PDE4D: variants seen among roughly 807,000 people sequenced by gnomAD.
PDE4D encodes 3',5'-cyclic-AMP phosphodiesterase 4D.
PDE4D carries 24 observed loss-of-function variants against 87.4 expected under a neutral mutation model. The ratio of observed to expected loss-of-function variants is 0.27; its 90% CI spans 0.20 to 0.39. PDE4D has a LOEUF of 0.39. PDE4D is among the 10% of genes least tolerant of loss of function. PDE4D has a pLI of 1.00. For missense variants in PDE4D, 714 were observed against 1,041.0 expected (o/e 0.69, Z 4.32); for synonymous variants, 384 against 383.2 (o/e 1.00, Z -0.02).
chr5:59,041,790 C>A (rs1561372679), intron 5 of PDE4D, among the ~76,000 whole-genome samples: 1 of 152,212 alleles, frequency 6.6e-6, no homozygotes, highest in Non-Finnish European at 1.5e-5. Flanking sequence ...GGCTTCAAAT[C>A]TAACAGGATG....
chr5:60,236,302 A>C (rs78413032), intron 1 of PDE4D, among the ~76,000 whole-genome samples: 2 of 152,072 alleles, frequency 1.3e-5, no homozygotes, highest in East Asian at 3.9e-4. Context: ...GGGATTGAAA[A>C]GACAAGCTAT....
At chr5:59,773,107 G>C (rs1383081007) in intron 1 of PDE4D, among the ~76,000 whole-genome samples, 3 of 152,116 alleles carry the variant, frequency 2.0e-5, no homozygotes, top group African/African-American at 7.2e-5. Context: ...GTGATATGAG[G>C]AACTTAGAGA....
At chr5:59,991,787 A>G (rs1763031184) in intron 2 of PDE4D, among the ~76,000 whole-genome samples, 1 of 152,236 alleles carries the variant, frequency 6.6e-6, no homozygotes, top group Non-Finnish European at 1.5e-5. Context: ...CTCTAAGAAC[A>G]GAACTTCATT....
rs1409266073 is a variant in PDE4D, at chr5:59,398,259, C to T, written c.456-182291G>A. Among the ~76,000 whole-genome samples the T allele has an allele frequency of 8.4e-5, 10 of 119,282 alleles. 2 individuals are homozygous for T. Among genetic ancestry groups the T allele is most frequent in the Non-Finnish European group, 8.9e-5 (5 of 56,474 alleles). The allele number at this position is 119,282 out of a possible 152,430, so 78.3% of individuals were successfully genotyped here. A position where few individuals can be genotyped will look rare whatever the true frequency, so the allele number is the denominator to read the frequency against. On this transcript the variant is annotated intron_variant, in intron 1 of 14. Transcript: ENST00000340635. ...GCCAGCATCATTCTAATACCAAAGC[C>T]GGGCAGAGACACAACCAAAAAAGAG...
At chr5:60,336,511 T>G (rs1757763284) in intron 1 of PDE4D, among the ~76,000 whole-genome samples, 3 of 152,210 alleles carry the variant, frequency 2.0e-5, no homozygotes, top group Admixed American at 2.0e-4. Context: ...GTCCCATTCC[T>G]CCACAACACA....
chr5:60,258,737 TTC>T (rs1171947777), intron 1 of PDE4D, among the ~76,000 whole-genome samples: 1 of 151,922 alleles, frequency 6.6e-6, no homozygotes. Context: ...CAATTAAAAA[TTC>T]TGTTAGTGAA....
chr5:59,813,833 T>G (rs1454424936), intron 1 of PDE4D, among the ~76,000 whole-genome samples: 2 of 152,164 alleles, frequency 1.3e-5, no homozygotes, highest in Non-Finnish European at 2.9e-5. Flanking sequence ...ATAACCTATT[T>G]ATGATTGCAA....
intron 1 of PDE4D, among the ~76,000 whole-genome samples, chr5:60,332,610 ATCCAAAT>A (rs1342596480): frequency 6.6e-6 from 1 of 152,234 alleles, no homozygotes; most frequent in Non-Finnish European, 1.5e-5. Flanking sequence ...AATCAACAGT[ATCCAAAT>A]TCTAATAAAG....
intron 1 of PDE4D, among the ~76,000 whole-genome samples, chr5:59,761,390 T>C (rs750654511): frequency 6.6e-6 from 1 of 152,184 alleles, no homozygotes; most frequent in Non-Finnish European, 1.5e-5. Flanking sequence ...TGATATAAGT[T>C]AATTTTGGTT....
chr5:59,467,718 AT>A (rs755126327), intron 1 of PDE4D, among the ~76,000 whole-genome samples: 7 of 152,206 alleles, frequency 4.6e-5, no homozygotes, highest in Non-Finnish European at 1.0e-4. Context: ...TGTATTTTGT[AT>A]GTTATTTCAT....
chr5:60,291,012 C>T (rs1437042994), intron 1 of PDE4D, among the ~76,000 whole-genome samples: 1 of 152,148 alleles, frequency 6.6e-6, no homozygotes, highest in Non-Finnish European at 1.5e-5. Context: ...AAATGTTCTG[C>T]ACTGTCTCGA....
intron 1 of PDE4D, among the ~76,000 whole-genome samples, chr5:60,205,461 T>C (rs1316619223): frequency 6.6e-6 from 1 of 152,064 alleles, no homozygotes; most frequent in Non-Finnish European, 1.5e-5. Context: ...AATCTAAAAA[T>C]GCACCCAGCC....
chr5:60,073,706 C>T (rs745370792), intron 2 of PDE4D, among the ~76,000 whole-genome samples: 1 of 151,710 alleles, frequency 6.6e-6, no homozygotes, highest in Admixed American at 6.6e-5. Flanking sequence ...TTTCACAGTT[C>T]GTTATTGGTC....
At chr5:60,090,926 ATACT>A (rs1430723599) in intron 2 of PDE4D, among the ~76,000 whole-genome samples, 1 of 152,220 alleles carries the variant, frequency 6.6e-6, no homozygotes, top group Non-Finnish European at 1.5e-5. Context: ...CCCATTTACA[ATACT>A]TACACACACA....
intron 1 of PDE4D, among the ~76,000 whole-genome samples, chr5:59,269,417 A>T (rs17528522): frequency 0.23 from 34,934 of 152,034 alleles, 4,375 homozygotes; most frequent in Admixed American, 0.35. Flanking sequence ...CTCTTCTGTG[A>T]TATCTCAGAA....
intron 6 of PDE4D, among the ~76,000 whole-genome samples, chr5:59,031,781 T>C (rs997086028): frequency 1.5e-5 from 2 of 136,748 alleles, no homozygotes; most frequent in East Asian, 5.0e-4. Context: ...ATTCACAACA[T>C]CATGGAATGG....
chr5:59,295,848 A>C (rs572237475), intron 1 of PDE4D, among the ~76,000 whole-genome samples: 2 of 151,578 alleles, frequency 1.3e-5, no homozygotes, highest in South Asian at 2.1e-4. Context: ...GAAAAAAAAA[A>C]CAAAAAAAAA....
chr5:59,734,922 T>G (rs1045122580), intron 1 of PDE4D, among the ~76,000 whole-genome samples: 5 of 152,138 alleles, frequency 3.3e-5, no homozygotes, highest in Non-Finnish European at 7.4e-5. Flanking sequence ...GCATATACCA[T>G]GATGTGCTCA....
chr5:59,518,505 C>T (rs981456410), intron 1 of PDE4D, among the ~76,000 whole-genome samples: 9 of 152,084 alleles, frequency 5.9e-5, no homozygotes, highest in African/African-American at 2.2e-4. Flanking sequence ...CATCAAGGAT[C>T]TTATATCAAT....
Sources: allele counts gnomAD v4.1 joint callset (sites outside exome capture counted in the v4.1 genomes callset), GRCh38; gene constraint gnomAD v4.1.1; transcripts MANE v1.5; gene names NCBI Gene and HGNC (gene_info 2026-07-23, HGNC 2026-07-21).